The following CHD6 variants were observed in gnomAD, a reference collection of about 807,000 sequenced individuals.
CHD6 encodes chromodomain helicase DNA binding protein 6, also known as ATP-dependent chromatin remodeler CHD6.
CHD6 carries 50 observed loss-of-function variants against 276.9 expected under a neutral mutation model. The ratio of observed to expected loss-of-function variants is 0.18; its 90% CI spans 0.14 to 0.23. The LOEUF (loss-of-function observed/expected upper bound fraction) is 0.23, where lower values mean the gene tolerates loss of function less well. Ranked by LOEUF, CHD6 falls within the 10% of genes least tolerant of loss-of-function variation. The probability of loss-of-function intolerance (pLI) is 1.00; values close to 1 mark genes in which losing one functional copy is unlikely to be tolerated. For synonymous variants in CHD6, 1,173 were observed against 1,229.3 expected (o/e 0.95, Z 0.96); for missense variants, 2,564 against 3,365.8 (o/e 0.76, Z 5.89).
At chr20:41,484,714 T>C (rs1296235800) in intron 14 of CHD6, 107 bp from the exon 15 acceptor site, 5 of 1,162,962 alleles carry the variant, frequency 4.3e-6, no homozygotes, top group African/African-American at 1.5e-5. Flanking sequence ...CATAGTACTG[T>C]GGTAGTAGAC....
At chr20:41,558,587 T>C (rs1316791018) in intron 1 of CHD6, among the ~76,000 whole-genome samples, 3 of 152,226 alleles carry the variant, frequency 2.0e-5, no homozygotes, top group African/African-American at 7.2e-5. Context: ...CAAGTTTCAA[T>C]CAGAACATTT....
Position 41,421,999 on chromosome 20 carries a change from G to T in CHD6, c.4636C>A (p.Arg1546=). Residue 1546 remains arginine (R), a synonymous_variant, in exon 31 of 37, where the codon CGG becomes AGG. Coordinates refer to ENST00000373233, the MANE Select transcript of CHD6 (RefSeq NM_032221.5). ...TTGAGCACTTGCTCTCGGACTTTCCGTAACAGTTCAATGCGGTACAGAGTT... is the reference window on the plus strand; with the variant it reads ...TTGAGCACTTGCTCTCGGACTTTCCTTAACAGTTCAATGCGGTACAGAGTT... ...ARTLYRIELL[R]KVREQVLKCP... The T allele has an allele frequency of 1.2e-6, 2 of 1,614,222 alleles. No homozygotes were observed. The highest frequency in any genetic ancestry group is 8.5e-7 in the Non-Finnish European group (1 of 1,180,024).
Position 41,404,149 on chromosome 20 carries a change from CT to C in CHD6, c.*443del. 1 of 1,059,056 alleles carries C rather than the reference CT, an allele frequency of 9.4e-7. No individual in the cohort carries two copies. The highest frequency in any genetic ancestry group is 1.1e-6 in the Non-Finnish European group (1 of 875,930). The allele number at this position is 1,059,056 out of a possible 1,614,324, so 65.6% of individuals were successfully genotyped here. On this transcript the variant is annotated 3_prime_UTR_variant, in exon 37 of 37. Coordinates refer to ENST00000373233, the MANE Select transcript of CHD6 (RefSeq NM_032221.5). Reference sequence around the variant, plus strand: ...TGCACCAGCACTTCCTTTTTCTGTGCTTTTTGGTTCCCTGTGACATTCTTCC... The same window carrying C: ...TGCACCAGCACTTCCTTTTTCTGTGCTTTTGGTTCCCTGTGACATTCTTCC...
At chr20:41,544,100 C>T (rs551918676) in intron 2 of CHD6, among the ~76,000 whole-genome samples, 14 of 152,098 alleles carry the variant, frequency 9.2e-5, no homozygotes, top group African/African-American at 3.4e-4. Context: ...ATCAGCCAGG[C>T]GTGGTGGCGG....
In CHD6 at chr20:41,420,500, T is replaced by C. The variant is rs1297071490; in HGVS notation, c.6127+8A>G. 6.2e-7 allele frequency: 1 copy of C among 1,602,658 alleles called. No homozygotes were observed. On this transcript the variant is annotated splice_region_variant and intron_variant, in intron 31 of 36. Transcript: ENST00000373233. ...ATCCAAAATGCCACAAGATCCTACATACTGTACCTTGACTATGGCAGTTTC... is the reference window on the plus strand; with the variant it reads ...ATCCAAAATGCCACAAGATCCTACACACTGTACCTTGACTATGGCAGTTTC...
chr20:41,463,187 T>C (rs1383167308), intron 17 of CHD6, among the ~76,000 whole-genome samples: 1 of 152,206 alleles, frequency 6.6e-6, no homozygotes, highest in South Asian at 2.1e-4. Context: ...CATGTATTCA[T>C]ATTGACATAA....
intron 30 of CHD6, among the ~76,000 whole-genome samples, chr20:41,422,935 T>C (rs563686748): frequency 6.6e-5 from 10 of 152,272 alleles, no homozygotes; most frequent in Non-Finnish European, 1.3e-4. Flanking sequence ...TTTCCTAAAA[T>C]ATTGTCCCAT....
chr20:41,530,462 T>C (rs1311201614), intron 3 of CHD6, among the ~76,000 whole-genome samples: 1 of 152,214 alleles, frequency 6.6e-6, no homozygotes, highest in East Asian at 1.9e-4. Flanking sequence ...AATCGATACC[T>C]GCTCAAATCA....
In CHD6 at chr20:41,608,283, C is replaced by T. The variant is rs751088915; in HGVS notation, c.-24+10057G>A. Among the ~76,000 whole-genome samples the T allele has an allele frequency of 2.0e-5, 3 of 152,074 alleles. No individual in the cohort carries two copies. In the East Asian group the frequency reaches 5.8e-4, roughly 29 times the overall value. ...GCAAAAAAATAGTAAACAAGATTTA[C>T]CAAAATAGTACAACAAGCATTTTAC... On this transcript the variant is annotated intron_variant, in intron 1 of 36. Coordinates refer to ENST00000373233, the MANE Select transcript of CHD6 (RefSeq NM_032221.5).
intron 17 of CHD6, among the ~76,000 whole-genome samples, chr20:41,466,186 A>T (rs914749084): frequency 6.6e-6 from 1 of 152,238 alleles, no homozygotes; most frequent in Admixed American, 6.5e-5. Flanking sequence ...TGGGTAACAC[A>T]GCAAGACTCC....
chr20:41,618,092 G>A (rs1055473420), intron 1 of CHD6, among the ~76,000 whole-genome samples: 2 of 149,112 alleles, frequency 1.3e-5, no homozygotes, highest in East Asian at 3.9e-4. Flanking sequence ...GGGAGCAGTA[G>A]CCTGGCGTGG....
intron 1 of CHD6, among the ~76,000 whole-genome samples, chr20:41,581,121 T>C (rs1417241169): frequency 6.6e-6 from 1 of 152,244 alleles, no homozygotes; most frequent in Non-Finnish European, 1.5e-5. Flanking sequence ...TGTCTAATAT[T>C]CACTGTTAAT....
At chr20:41,522,641 TGCGCGCACGC>T (rs2146015857) in intron 3 of CHD6, among the ~76,000 whole-genome samples, 1 of 152,038 alleles carries the variant, frequency 6.6e-6, no homozygotes, top group African/African-American at 2.4e-5. Context: ...TCAGGAAACA[TGCGCGCACGC>T]GTGCGCGCAC....
rs762775347 is a variant in CHD6, at chr20:41,428,814, C to T, written c.4069-2661G>A. Among the ~76,000 whole-genome samples, 4 of 152,262 alleles carry T rather than the reference C, an allele frequency of 2.6e-5. No homozygotes were observed. The South Asian group carries it at 8.3e-4, about 32-fold the overall frequency. ...CCCTGGCTGTATGGCTTTTTTGCAG[C>T]TGATTAAAACTGAGCTCCCTCGTCT... On this transcript the variant is annotated intron_variant, in intron 27 of 36. Transcript: ENST00000373233.
intron 3 of CHD6, among the ~76,000 whole-genome samples, chr20:41,517,512 G>A (rs1171296608): frequency 6.6e-6 from 1 of 152,152 alleles, no homozygotes; most frequent in Non-Finnish European, 1.5e-5. Context: ...GAGGATTACC[G>A]ATTTTTAACA....
chr20:41,555,874 T>G (rs945189461), intron 1 of CHD6, among the ~76,000 whole-genome samples: 1 of 150,592 alleles, frequency 6.6e-6, no homozygotes, highest in Non-Finnish European at 1.5e-5. Flanking sequence ...GGCTGCAATC[T>G]CGGTACTTTG....
At chr20:41,482,828 T>C (rs2043325589) in intron 16 of CHD6, among the ~76,000 whole-genome samples, 2 of 152,114 alleles carry the variant, frequency 1.3e-5, no homozygotes, top group Non-Finnish European at 2.9e-5. Context: ...CCATAGCCAG[T>C]GCATCATAAA....
intron 1 of CHD6, among the ~76,000 whole-genome samples, chr20:41,601,915 G>A (rs534207013): frequency 5.9e-5 from 9 of 152,200 alleles, no homozygotes; most frequent in East Asian, 1.9e-4. Flanking sequence ...ACCTGGCACC[G>A]GCACCAAATC....
intron 17 of CHD6, among the ~76,000 whole-genome samples, chr20:41,469,564 G>A (rs150639166): frequency 3.7e-4 from 57 of 152,256 alleles, no homozygotes; most frequent in African/African-American, 1.3e-3. Context: ...TACTGTTATC[G>A]TCCTGTGCCA....
Sources: gnomAD v4.1 joint callset for allele counts (sites outside exome capture counted in the v4.1 genomes callset) on GRCh38, gnomAD v4.1.1 for gene constraint, MANE v1.5 for transcripts, NCBI Gene and HGNC (gene_info 2026-07-23, HGNC 2026-07-21) for gene names.